KIAA1217: variants seen among roughly 807,000 people sequenced by gnomAD.
KIAA1217 encodes the protein KIAA1217, also known as sickle tail protein homolog.
Under a neutral mutation model 163.9 loss-of-function variants are expected in KIAA1217, and 88 were observed. The observed-to-expected ratio is 0.54, with a 90% CI of 0.45 to 0.64. The LOEUF (loss-of-function observed/expected upper bound fraction) is 0.64. KIAA1217 is among the 30% of genes least tolerant of loss of function. The pLI, the probability that KIAA1217 is intolerant of heterozygous loss-of-function variation, is 0.00. For missense variants in KIAA1217, 2,372 were observed against 2,475.0 expected (o/e 0.96, Z 0.88); for synonymous variants, 903 against 923.1 (o/e 0.98, Z 0.39).
intron 2 of KIAA1217, among the ~76,000 whole-genome samples, chr10:24,144,298 A>G (rs2064211002): frequency 6.6e-6 from 1 of 152,246 alleles, no homozygotes; most frequent in South Asian, 2.1e-4. Flanking sequence ...GAAACTGAGC[A>G]AAAGAATATT....
At chr10:23,890,104 G>A (rs1213680617) in intron 1 of KIAA1217, among the ~76,000 whole-genome samples, 2 of 151,446 alleles carry the variant, frequency 1.3e-5, no homozygotes, top group African/African-American at 4.8e-5. Context: ...TTTCTTAGTG[G>A]GAAGATTTTT....
chr10:24,017,409 A>G (rs1847533412), intron 2 of KIAA1217, among the ~76,000 whole-genome samples: 1 of 152,078 alleles, frequency 6.6e-6, no homozygotes, highest in Non-Finnish European at 1.5e-5. Context: ...ACTTCAATGT[A>G]AGGGGACTAT....
intron 2 of KIAA1217, among the ~76,000 whole-genome samples, chr10:24,180,613 T>A (rs2066131267): frequency 6.6e-6 from 1 of 152,118 alleles, no homozygotes; most frequent in Non-Finnish European, 1.5e-5. Flanking sequence ...ATCCTTCAAC[T>A]CAAGTTCAAA....
intron 2 of KIAA1217, among the ~76,000 whole-genome samples, chr10:24,294,187 CAAAAAAAAAAAA>C (rs371110913): frequency 5.4e-5 from 3 of 55,110 alleles, no homozygotes; most frequent in African/African-American, 2.3e-4. Flanking sequence ...GACTCCGTCT[CAAAAAAAAAAAA>C]AAAAAAAAAA....
At chr10:23,994,630 T>G (rs760239104) in intron 1 of KIAA1217, among the ~76,000 whole-genome samples, 4 of 152,194 alleles carry the variant, frequency 2.6e-5, no homozygotes, top group Non-Finnish European at 5.9e-5. Context: ...ATGGAAGGTT[T>G]CTGAGCATAG....
At chr10:23,939,922 T>C (rs1435310526) in intron 1 of KIAA1217, among the ~76,000 whole-genome samples, 1 of 149,812 alleles carries the variant, frequency 6.7e-6, no homozygotes, top group Non-Finnish European at 1.5e-5. Context: ...TACTGTTTAG[T>C]AAATATGACA....
intron 2 of KIAA1217, among the ~76,000 whole-genome samples, chr10:24,267,063 G>A (rs1337871091): frequency 6.6e-6 from 1 of 152,206 alleles, no homozygotes. Flanking sequence ...ACAAACACCT[G>A]CCAAGATAGT....
chr10:24,326,177 A>G (rs1292917958), intron 2 of KIAA1217, among the ~76,000 whole-genome samples: 1 of 152,190 alleles, frequency 6.6e-6, no homozygotes, highest in Non-Finnish European at 1.5e-5. Flanking sequence ...AAGCTCGTTC[A>G]TTATTACTAC....
intron 1 of KIAA1217, among the ~76,000 whole-genome samples, chr10:23,937,556 A>G (rs1408788004): frequency 6.6e-6 from 1 of 152,122 alleles, no homozygotes; most frequent in Non-Finnish European, 1.5e-5. Context: ...CCCATGTTTT[A>G]TATGTTGCTT....
chr10:24,016,347 C>A (rs954830132), intron 2 of KIAA1217, among the ~76,000 whole-genome samples: 1 of 152,092 alleles, frequency 6.6e-6, no homozygotes, highest in African/African-American at 2.4e-5. Context: ...TCCTAGGGGT[C>A]ATCCCTGTGT....
chr10:24,044,802 T>G (rs949545032), intron 2 of KIAA1217, among the ~76,000 whole-genome samples: 2 of 152,238 alleles, frequency 1.3e-5, no homozygotes, highest in East Asian at 1.9e-4. Context: ...TCTTACAGTT[T>G]TAAAGTCTTT....
In KIAA1217 at chr10:24,501,539, G is replaced by T; in HGVS notation, c.1995G>T (p.Gln665His). 6.2e-7 allele frequency: 1 copy of T among 1,612,796 alleles called. No homozygotes were observed. The highest frequency in any genetic ancestry group is 8.5e-7 in the Non-Finnish European group (1 of 1,179,596). Residue 665 changes from glutamine (Q) to histidine (H), a missense_variant, in exon 9 of 21, where the codon CAG becomes CAT. Around this residue, in one of 3 missense-constraint regions of KIAA1217, gnomAD observed 1,431 missense variants for 1,470.3 expected, o/e 0.97. Transcript: ENST00000376454. ...GGCTCCAGCTCCAGCAGATGCGGCA[G>T]CTCCAGGTATTCCTCATGCACGGCG... The part of the protein sequence containing the change: ...ELRLQLQQMR[Q>H]LQLQNQELLR...
chr10:24,073,388 T>C (rs552422175), intron 2 of KIAA1217, among the ~76,000 whole-genome samples: 1 of 152,090 alleles, frequency 6.6e-6, no homozygotes, highest in Non-Finnish European at 1.5e-5. Flanking sequence ...CAAGGGCATA[T>C]TGAGCTTGAG....
At chr10:23,737,967 T>C (rs1222341065) in intron 1 of KIAA1217, among the ~76,000 whole-genome samples, 2 of 152,268 alleles carry the variant, frequency 1.3e-5, no homozygotes, top group African/African-American at 4.8e-5. Flanking sequence ...TTTTTTATAA[T>C]ATTCATTTGC....
At chr10:24,225,707 A>G (rs2070426822) in intron 2 of KIAA1217, among the ~76,000 whole-genome samples, 3 of 152,246 alleles carry the variant, frequency 2.0e-5, no homozygotes, top group Admixed American at 6.5e-5. Flanking sequence ...CCCAGATGGC[A>G]TGCCTTCTGA....
At chr10:24,419,349 A>G (rs74125404) in intron 3 of KIAA1217, among the ~76,000 whole-genome samples, 1 of 152,098 alleles carries the variant, frequency 6.6e-6, no homozygotes, top group Admixed American at 6.5e-5. Flanking sequence ...TGTCACTTTT[A>G]AAATGATTTT....
chr10:24,408,004 T>C (rs2057395192), intron 3 of KIAA1217, among the ~76,000 whole-genome samples: 1 of 152,190 alleles, frequency 6.6e-6, no homozygotes, highest in Admixed American at 6.5e-5. Context: ...TATTTATATA[T>C]TAATTTTGAG....
In KIAA1217 at chr10:24,366,370, G is replaced by A. The variant is rs577146572; in HGVS notation, c.355-14499G>A. On this transcript the variant is annotated intron_variant, in intron 2 of 20. Coordinates refer to ENST00000376454, the MANE Select transcript of KIAA1217 (RefSeq NM_019590.5). ...TGAGGCAGGAGAATCGCTTTAACTCGGGAAGCAGAGGGTGCGGTGAGCTGA... is the reference window on the plus strand; with the variant it reads ...TGAGGCAGGAGAATCGCTTTAACTCAGGAAGCAGAGGGTGCGGTGAGCTGA... Among the ~76,000 whole-genome samples the A allele has an allele frequency of 2.6e-5, 4 of 152,176 alleles. No homozygotes were observed. In the South Asian group the frequency reaches 6.2e-4, roughly 24 times the overall value.
chr10:23,847,016 TG>T (rs1839066677), intron 1 of KIAA1217, among the ~76,000 whole-genome samples: 1 of 152,202 alleles, frequency 6.6e-6, no homozygotes, highest in South Asian at 2.1e-4. Context: ...TCATTGGTTC[TG>T]TTTATGTGAT....
Sources: allele counts gnomAD v4.1 joint callset (sites outside exome capture counted in the v4.1 genomes callset), GRCh38; gene constraint gnomAD v4.1.1; regional missense constraint gnomAD v4.1.1; transcripts MANE v1.5; gene names NCBI Gene and HGNC (gene_info 2026-07-23, HGNC 2026-07-21).